Variants in OSBPL3 observed in about 807,000 individuals in gnomAD.
OSBPL3 encodes oxysterol binding protein like 3, also known as oxysterol-binding protein-related protein 3.
A neutral mutation model predicts 120.1 loss-of-function variants in OSBPL3; 65 were observed. The ratio of observed to expected loss-of-function variants is 0.54; its 90% CI spans 0.44 to 0.67. The LOEUF (loss-of-function observed/expected upper bound fraction) is 0.67. Among genes scored for constraint, OSBPL3 ranks in the 30% least tolerant of loss-of-function variants. The probability of loss-of-function intolerance (pLI) is 0.00; values close to 1 mark genes in which losing one functional copy is unlikely to be tolerated. For missense variants in OSBPL3, 1,004 were observed against 1,082.1 expected (o/e 0.93, Z 1.01); for synonymous variants, 416 against 402.6 (o/e 1.03, Z -0.40).
At position 24,916,992 on chromosome 7, in the gene OSBPL3, G is replaced by A. The variant is rs1294160475; in HGVS notation, c.-149-24371C>T. Among the ~76,000 whole-genome samples, 1 of 151,914 alleles carries A rather than the reference G, an allele frequency of 6.6e-6. No individual in the cohort carries two copies. Among genetic ancestry groups the A allele is most frequent in the Non-Finnish European group, 1.5e-5 (1 of 67,978 alleles). ...ACTTAGAAGAAGGAAGGAAGGATGG[G>A]TATATGGGTAGAGAGAGGGAAGGAA... On this transcript the variant is annotated intron_variant, in intron 1 of 22. Transcript: ENST00000313367. This position sits in a 1 kb window ranked among gnomAD's most constrained non-coding sequence, Gnocchi z 4.9.
At chr7:24,921,386 C>T (rs7778380) in intron 1 of OSBPL3, among the ~76,000 whole-genome samples, 1,759 of 152,306 alleles carry the variant, frequency 0.012, 35 homozygotes, top group African/African-American at 0.04. Flanking sequence ...AGGGCAAGCA[C>T]AGATAATCCC....
chr7:24,877,540 G>A lies in OSBPL3; in HGVS notation c.97-5471C>T, dbSNP rs1035574004. On this transcript the variant is annotated intron_variant, in intron 2 of 22. Transcript: ENST00000313367. This position sits in a 1 kb window ranked among gnomAD's most constrained non-coding sequence, Gnocchi z 4.8. ...TAGAACATGGGTTCCGTGAGGACAG[G>A]GACTGTGTCTTATTTATTACAATCC... Among the ~76,000 whole-genome samples, 6 of 152,106 alleles carry A rather than the reference G, an allele frequency of 3.9e-5. No individual in the cohort carries two copies. Among genetic ancestry groups the A allele is most frequent in the East Asian group, 1.9e-4 (1 of 5,192 alleles).
chr7:24,863,240 C>T lies in OSBPL3; in HGVS notation c.830G>A (p.Arg277Gln), dbSNP rs61756568. The T allele has an allele frequency of 8.3e-3, 13,379 of 1,614,050 alleles. 79 individuals are homozygous for T. Among genetic ancestry groups the T allele is most frequent in the Non-Finnish European group, 0.01 (12,221 of 1,179,886 alleles). Residue 277 changes from arginine (R) to glutamine (Q), a missense_variant, in exon 9 of 23, where the codon CGG becomes CAG. Physicochemically the swap from Arg to Gln is conservative, Grantham distance 43. Transcript: ENST00000313367. The surrounding 1 kb of genome is among the most constrained non-coding windows in gnomAD (Gnocchi z 5.8). ...AGCATCTTTGCCAATAGCTCTGGAC[C>T]GCCACCTCCTGTGCGATCTTTTTTC... ...KKEKRSHRRW[R>Q]SRAIGKDAKG...
chr7:24,882,775 T>C (rs368954656), intron 2 of OSBPL3, among the ~76,000 whole-genome samples: 3 of 152,200 alleles, frequency 2.0e-5, no homozygotes, highest in African/African-American at 7.2e-5. Flanking sequence ...ATTTGACTTA[T>C]ATAAGATGAT....
At position 24,936,438 on chromosome 7, in the gene OSBPL3, G is replaced by T. The variant is rs1812433090; in HGVS notation, c.-150+43448C>A. ...TCTTGCTCTTAACAAGGTCAAAACT[G>T]CAATGCAATACAATGGGCCAAGTTC... On this transcript the variant is annotated intron_variant, in intron 1 of 22. Coordinates refer to ENST00000313367, the MANE Select transcript of OSBPL3 (RefSeq NM_015550.4). This position sits in a 1 kb window ranked among gnomAD's most constrained non-coding sequence, Gnocchi z 4.2. Among the ~76,000 whole-genome samples the T allele has an allele frequency of 6.6e-6, 1 of 152,148 alleles. No homozygotes were observed. Among genetic ancestry groups the T allele is most frequent in the Admixed American group, 6.5e-5 (1 of 15,274 alleles).
intron 1 of OSBPL3, among the ~76,000 whole-genome samples, chr7:24,919,428 A>ATGGTGC (rs1001865763): frequency 2.0e-5 from 3 of 152,148 alleles, no homozygotes; most frequent in African/African-American, 7.2e-5. Flanking sequence ...TTTAAAACAA[A>ATGGTGC]TGGTGCTGGT....
At position 24,937,684 on chromosome 7, in the gene OSBPL3, T is replaced by A. The variant is rs190194387; in HGVS notation, c.-150+42202A>T. On this transcript the variant is annotated intron_variant, in intron 1 of 22. Coordinates refer to ENST00000313367, the MANE Select transcript of OSBPL3 (RefSeq NM_015550.4). This position sits in a 1 kb window ranked among gnomAD's most constrained non-coding sequence, Gnocchi z 4.0. The stretch of plus-strand genomic sequence containing the variant: ...TGGAGGTTTATGGTGCTATCAGGCA[T>A]AAAACATGAAACACCTTAAACCTAA... Among the ~76,000 whole-genome samples the A allele has an allele frequency of 1.9e-4, 29 of 152,304 alleles. No homozygotes were observed. The highest frequency in any genetic ancestry group is 5.2e-4 in the Admixed American group (8 of 15,298).
chr7:24,917,401 C>CATACATATATATATAT (rs370274395), intron 1 of OSBPL3, among the ~76,000 whole-genome samples: 10 of 100,050 alleles, frequency 1.0e-4, no homozygotes, highest in African/African-American at 3.4e-4. Context: ...ATATTTGTAA[C>CATACATATATATATAT]ATATATATAT....
Position 24,977,476 on chromosome 7 carries a change from C to G in OSBPL3, c.-150+2410G>C, listed in dbSNP as rs188819715. On this transcript the variant is annotated intron_variant, in intron 1 of 22. Coordinates refer to ENST00000313367, the MANE Select transcript of OSBPL3 (RefSeq NM_015550.4). ...TCTAGCTCAGCAATTTACTGGTGAC[C>G]TTAGGCAAGTTCCTAAACCTCGTTT... is the stretch of plus-strand genomic sequence containing the variant. 1.8e-4 allele frequency among the ~76,000 whole-genome samples: 27 copies of G among 152,292 alleles called. No individual in the cohort carries two copies. The East Asian group carries it at 3.5e-3, about 20-fold the overall frequency.
Position 24,916,419 on chromosome 7 carries a change from C to T in OSBPL3, c.-149-23798G>A, listed in dbSNP as rs1809553702. ...TTTTTTGGGTAATATTTTACTTTCT[C>T]CTTTGAACTTTTTTTTCTTTTGCCT... On this transcript the variant is annotated intron_variant, in intron 1 of 22. Coordinates refer to ENST00000313367, the MANE Select transcript of OSBPL3 (RefSeq NM_015550.4). The surrounding 1 kb of genome is among the most constrained non-coding windows in gnomAD (Gnocchi z 4.9). 6.6e-6 allele frequency among the ~76,000 whole-genome samples: 1 copy of T among 151,958 alleles called. No homozygotes were observed. Among genetic ancestry groups the T allele is most frequent in the Non-Finnish European group, 1.5e-5 (1 of 67,990 alleles).
chr7:24,909,798 T>C (rs1376769795), intron 1 of OSBPL3, among the ~76,000 whole-genome samples: 18 of 141,888 alleles, frequency 1.3e-4, no homozygotes, highest in African/African-American at 4.4e-4. Context: ...TTTTTTTTTT[T>C]TTTTTTTTTT....
rs1230039729 is a variant in OSBPL3 at position 24,821,275 on chromosome 7, G to C, written c.1885-1037C>G. Among the ~76,000 whole-genome samples, 1 of 152,218 alleles carries C rather than the reference G, an allele frequency of 6.6e-6. No individual in the cohort carries two copies. The highest frequency in any genetic ancestry group is 1.5e-5 in the Non-Finnish European group (1 of 68,024). On this transcript the variant is annotated intron_variant, in intron 16 of 22. Coordinates refer to ENST00000313367, the MANE Select transcript of OSBPL3 (RefSeq NM_015550.4). The surrounding 1 kb of genome is among the most constrained non-coding windows in gnomAD (Gnocchi z 5.5). ...TTCCCAAGCCACACCAATAGTCAGG[G>C]AAGAGGTAGCGGTAAGTCCCAGCAG...
At position 24,863,564 on chromosome 7, in the gene OSBPL3, T is replaced by C; in HGVS notation, c.709A>G (p.Ser237Gly). ...AHCHAYLVEM[S>G]QLLQSMDVLH... ...ACGTCCATGCTTTGCAGGAGCTGGC[T>C]CATTTCTACCAGGTAGGCATGACAG... The change falls in exon 8 of 23, where the codon AGC becomes GGC. Residue 237 changes from serine to glycine, a missense_variant. By Grantham distance (56) the Ser-to-Gly change is moderately conservative. Transcript: ENST00000313367. This position sits in a 1 kb window ranked among gnomAD's most constrained non-coding sequence, Gnocchi z 5.8. 1 of 1,614,098 alleles carries C rather than the reference T, an allele frequency of 6.2e-7. No homozygotes were observed.
In OSBPL3 at chr7:24,922,151, A is replaced by C. The variant is rs1162920172; in HGVS notation, c.-149-29530T>G. ...CTTACATACAGTGTGACGGGGATTA[A>C]CAGGATTGGCCTGGCCTCAGAAAAG... is the stretch of plus-strand genomic sequence containing the variant. On this transcript the variant is annotated intron_variant, in intron 1 of 22. Transcript: ENST00000313367. This position sits in a 1 kb window ranked among gnomAD's most constrained non-coding sequence, Gnocchi z 4.3. 6.6e-6 allele frequency among the ~76,000 whole-genome samples: 1 copy of C among 152,216 alleles called. No homozygotes were observed. The highest frequency in any genetic ancestry group is 1.5e-5 in the Non-Finnish European group (1 of 68,028).
rs1489236196 is a variant in OSBPL3 at position 24,855,657 on chromosome 7, AG to A, written c.1028-3024del. On this transcript the variant is annotated intron_variant, in intron 10 of 22. Transcript: ENST00000313367. The surrounding 1 kb of genome is among the most constrained non-coding windows in gnomAD (Gnocchi z 4.3). ...CTGCCACACACAGGGCAATGATCAG[AG>A]GTTGCTCATGAGAGACCACATTTAT... Among the ~76,000 whole-genome samples the A allele has an allele frequency of 6.6e-6, 1 of 152,234 alleles. No homozygotes were observed. The highest frequency in any genetic ancestry group is 2.4e-5 in the African/African-American group (1 of 41,456).
At chr7:24,889,124 A>G (rs988249650) in intron 2 of OSBPL3, among the ~76,000 whole-genome samples, 1 of 152,198 alleles carries the variant, frequency 6.6e-6, no homozygotes, top group Non-Finnish European at 1.5e-5. Flanking sequence ...AATATTTCCA[A>G]AGAAAATGTG....
Position 24,888,352 on chromosome 7 carries a change from A to G in OSBPL3, c.96+4025T>C, listed in dbSNP as rs566231115. On this transcript the variant is annotated intron_variant, in intron 2 of 22. Transcript: ENST00000313367. Reference sequence around the variant, plus strand: ...ATGAGAAAAGAACTATTATTATTCCAATTTTATTGATGAAAAAACTGAGGT... The same window carrying G: ...ATGAGAAAAGAACTATTATTATTCCGATTTTATTGATGAAAAAACTGAGGT... Among the ~76,000 whole-genome samples the G allele has an allele frequency of 2.0e-5, 3 of 152,336 alleles. No individual in the cohort carries two copies. In the East Asian group the frequency reaches 5.8e-4, roughly 29 times the overall value.
intron 1 of OSBPL3, among the ~76,000 whole-genome samples, chr7:24,945,425 T>C (rs1034241492): frequency 6.6e-6 from 1 of 152,254 alleles, no homozygotes; most frequent in South Asian, 2.1e-4. Context: ...ATTGGAGATA[T>C]ATCAGTGACA....
chr7:24,812,349 T>C (rs1584207108), intron 19 of OSBPL3, among the ~76,000 whole-genome samples: 1 of 146,628 alleles, frequency 6.8e-6, no homozygotes, highest in Non-Finnish European at 1.5e-5. Flanking sequence ...AAAGAAAAGG[T>C]TCAGTTTCTA....
Sources: allele counts gnomAD v4.1 joint callset (sites outside exome capture counted in the v4.1 genomes callset), GRCh38; gene constraint gnomAD v4.1.1; non-coding constraint Gnocchi (gnomAD v3.1); transcripts MANE v1.5; gene names NCBI Gene and HGNC (gene_info 2026-07-23, HGNC 2026-07-21).